Variants in ERC1 observed in about 807,000 individuals in gnomAD.
ERC1 encodes the protein RAB6 interacting protein 2.
ERC1 carries 56 observed loss-of-function variants against 132.0 expected under a neutral mutation model. That is an observed-to-expected ratio of 0.42 (90% confidence interval 0.34 to 0.53). The LOEUF is 0.53. ERC1 is among the 20% of genes least tolerant of loss of function. ERC1 has a pLI of 0.03. For missense variants in ERC1, 1,202 were observed against 1,349.9 expected (o/e 0.89, Z 1.72); for synonymous variants, 478 against 476.1 (o/e 1.00, Z -0.05).
chr12:1,228,818 G>C (rs2074804689), intron 12 of ERC1, among the ~76,000 whole-genome samples: 1 of 152,184 alleles, frequency 6.6e-6, no homozygotes, highest in Non-Finnish European at 1.5e-5. Context: ...TGTGGTGTAT[G>C]ACGTTTATTA....
intron 1 of ERC1, among the ~76,000 whole-genome samples, chr12:1,006,838 A>G (rs927845609): frequency 6.6e-6 from 1 of 151,604 alleles, no homozygotes; most frequent in Non-Finnish European, 1.5e-5. Context: ...TGCTTTATAA[A>G]TTTTTCATTT....
chr12:1,072,817 C>T (rs1940645575), intron 2 of ERC1, among the ~76,000 whole-genome samples: 1 of 152,116 alleles, frequency 6.6e-6, no homozygotes. Context: ...CTCAGCTTCC[C>T]TAGTAGCTGG....
chr12:1,010,981 T>C (rs1030043932), intron 1 of ERC1, among the ~76,000 whole-genome samples: 4 of 152,150 alleles, frequency 2.6e-5, no homozygotes, highest in African/African-American at 9.7e-5. Context: ...TTTGTGGTAG[T>C]TTCAGTAGAC....
chr12:1,220,953 T>C (rs1285642072), intron 12 of ERC1, among the ~76,000 whole-genome samples: 2 of 152,224 alleles, frequency 1.3e-5, no homozygotes, highest in African/African-American at 2.4e-5. Context: ...CATCTTTGCT[T>C]AGCTGTTGCC....
At chr12:1,212,597 A>C (rs1025606497) in intron 12 of ERC1, among the ~76,000 whole-genome samples, 4 of 152,194 alleles carry the variant, frequency 2.6e-5, no homozygotes, top group African/African-American at 9.6e-5. Context: ...ACAGCCACGA[A>C]AATTTAGGCT....
At chr12:1,071,905 A>G (rs1940432083) in intron 2 of ERC1, among the ~76,000 whole-genome samples, 1 of 152,136 alleles carries the variant, frequency 6.6e-6, no homozygotes, top group Admixed American at 6.6e-5. Flanking sequence ...GTTTGAGACC[A>G]GCCTGGCCAA....
chr12:1,093,955 T>TTATATATATATATATATATATA (rs1469024496), intron 3 of ERC1, among the ~76,000 whole-genome samples: 21 of 16,090 alleles, frequency 1.3e-3, no homozygotes, highest in South Asian at 6.4e-3. Context: ...ATATATATTT[T>TTATATATATATATATATATATA]TCTATATATA....
At chr12:1,449,213 G>C (rs2093371393) in intron 18 of ERC1, among the ~76,000 whole-genome samples, 1 of 152,178 alleles carries the variant, frequency 6.6e-6, no homozygotes, top group African/African-American at 2.4e-5. Context: ...CTTATAGGCA[G>C]AAGGGACTTG....
At chr12:1,177,944 G>A (rs529319496) in intron 8 of ERC1, among the ~76,000 whole-genome samples, 6 of 152,196 alleles carry the variant, frequency 3.9e-5, no homozygotes, top group East Asian at 3.9e-4. Context: ...GTGTTGATCC[G>A]TATGAGATTT....
intron 17 of ERC1, among the ~76,000 whole-genome samples, chr12:1,432,748 A>G (rs956124549): frequency 2.3e-4 from 35 of 152,250 alleles, no homozygotes; most frequent in African/African-American, 8.2e-4. Flanking sequence ...GTGTGTCTCC[A>G]GAGCCCATGC....
rs1335581904 is a variant in ERC1 at position 1,130,767 on chromosome 12, CTA to C, written c.1570-10852_1570-10851del. Among the ~76,000 whole-genome samples, 4 of 151,438 alleles carry C rather than the reference CTA, an allele frequency of 2.6e-5. No individual in the cohort carries two copies. The East Asian group carries it at 7.8e-4, about 30-fold the overall frequency. The stretch of plus-strand genomic sequence containing the variant: ...AATTGCAGTTTGTTGAAACAGTACT[CTA>C]AAACAGTTTACTTCCGTGTGGTCTG... On this transcript the variant is annotated intron_variant, in intron 7 of 18. Transcript: ENST00000360905.
chr12:1,141,265 GC>G (rs1427853213), intron 7 of ERC1, among the ~76,000 whole-genome samples: 1 of 152,130 alleles, frequency 6.6e-6, no homozygotes, highest in Admixed American at 6.6e-5. Flanking sequence ...GCTTGGTGAT[GC>G]TTTTTTTCCC....
At chr12:1,240,852 ATTTTGCT>A (rs1374387092) in intron 13 of ERC1, among the ~76,000 whole-genome samples, 1 of 151,970 alleles carries the variant, frequency 6.6e-6, no homozygotes, top group Admixed American at 6.6e-5. Flanking sequence ...ACTCTTCCGT[ATTTTGCT>A]TTTTAAAAAC....
chr12:1,315,513 G>A (rs2081625119), intron 15 of ERC1, among the ~76,000 whole-genome samples: 1 of 151,844 alleles, frequency 6.6e-6, no homozygotes, highest in Admixed American at 6.6e-5. Flanking sequence ...ACAACGCCTA[G>A]CTAATTTTTG....
At chr12:1,470,621 G>A (rs1339669393) in intron 18 of ERC1, among the ~76,000 whole-genome samples, 1 of 151,974 alleles carries the variant, frequency 6.6e-6, no homozygotes, top group African/African-American at 2.4e-5. Flanking sequence ...TTTTTATAAC[G>A]ACGAGCCCTT....
chr12:1,301,186 C>T (rs758791165), intron 15 of ERC1, among the ~76,000 whole-genome samples: 4 of 141,186 alleles, frequency 2.8e-5, no homozygotes, highest in East Asian at 2.1e-4. Flanking sequence ...TTAGAGACTC[C>T]GAGGGGGTGG....
intron 10 of ERC1, among the ~76,000 whole-genome samples, chr12:1,182,742 G>A (rs1954620856): frequency 6.6e-6 from 1 of 151,536 alleles, no homozygotes; most frequent in Admixed American, 6.6e-5. Flanking sequence ...GCTCACTGCA[G>A]TCTTGAACTC....
At chr12:1,340,090 C>T (rs1208555683) in intron 15 of ERC1, among the ~76,000 whole-genome samples, 1 of 152,140 alleles carries the variant, frequency 6.6e-6, no homozygotes, top group Non-Finnish European at 1.5e-5. Context: ...CCGTGGGGGC[C>T]AGCCTGCTTG....
At chr12:1,301,770 C>T (rs888323647) in intron 15 of ERC1, among the ~76,000 whole-genome samples, 1 of 151,984 alleles carries the variant, frequency 6.6e-6, no homozygotes, top group African/African-American at 2.4e-5. Context: ...GACTTCGTGA[C>T]ACAAGTTTAC....
Sources: gnomAD v4.1 joint callset for allele counts (sites outside exome capture counted in the v4.1 genomes callset) on GRCh38, gnomAD v4.1.1 for gene constraint, MANE v1.5 for transcripts, NCBI Gene and HGNC (gene_info 2026-07-23, HGNC 2026-07-21) for gene names.